The following AGBL4 variants were observed in gnomAD, a reference collection of about 807,000 sequenced individuals.
The protein encoded by AGBL4 is cytosolic carboxypeptidase 6.
AGBL4 carries 58 observed loss-of-function variants against 66.4 expected under a neutral mutation model. That is an observed-to-expected ratio of 0.87 (90% CI 0.71 to 1.09). The LOEUF is 1.09. Ranked by LOEUF, AGBL4 falls within the 50% of genes least tolerant of loss-of-function variation. The pLI, the probability that AGBL4 is intolerant of heterozygous loss-of-function variation, is 0.00. For synonymous variants in AGBL4, 234 were observed against 222.9 expected (o/e 1.05, Z -0.44); for missense variants, 579 against 631.0 (o/e 0.92, Z 0.88).
At chr1:48,949,328 G>A (rs907467972) in intron 5 of AGBL4, among the ~76,000 whole-genome samples, 9 of 152,204 alleles carry the variant, frequency 5.9e-5, no homozygotes, top group African/African-American at 1.4e-4. Context: ...TAGGTAGACC[G>A]AGATTGGTCA....
At chr1:49,642,917 A>G (rs1357635964) in intron 3 of AGBL4, among the ~76,000 whole-genome samples, 1 of 152,012 alleles carries the variant, frequency 6.6e-6, no homozygotes, top group African/African-American at 2.4e-5. Context: ...AGTGAAATTC[A>G]CCATGTGTGG....
intron 6 of AGBL4, chr1:48,761,224 T>C: frequency 8.5e-7 from 1 of 1,172,736 alleles, no homozygotes; most frequent in South Asian, 1.7e-5. Context: ...AATCATAGCC[T>C]GTGATACCAG....
intron 4 of AGBL4, among the ~76,000 whole-genome samples, chr1:49,138,227 G>C (rs1353918095): frequency 4.6e-5 from 7 of 152,074 alleles, no homozygotes; most frequent in Non-Finnish European, 1.0e-4. Context: ...AACGTCCAAA[G>C]AGAAAAATAC....
At position 48,905,013 on chromosome 1, in the gene AGBL4, T is replaced by G. The variant is rs140666760; in HGVS notation, c.595-37783A>C. ...AGGATTTTCTGTTTCAAAATTATAA[T>G]TACAATCCAATGGCTTAATTTAATT... On this transcript the variant is annotated intron_variant, in intron 5 of 13. Coordinates refer to ENST00000371839, the MANE Select transcript of AGBL4 (RefSeq NM_032785.4). Among the ~76,000 whole-genome samples the G allele has an allele frequency of 2.0e-3, 306 of 152,306 alleles. 1 individual carries two copies. The highest frequency in any genetic ancestry group is 7.0e-3 in the African/African-American group (290 of 41,554).
At chr1:49,123,144 C>A (rs558766472) in intron 4 of AGBL4, among the ~76,000 whole-genome samples, 1 of 152,150 alleles carries the variant, frequency 6.6e-6, no homozygotes, top group Non-Finnish European at 1.5e-5. Flanking sequence ...TGAGCCACTG[C>A]GCCCAGCCCT....
chr1:49,372,609 TTCTTTC>T (rs1174692516), intron 3 of AGBL4, among the ~76,000 whole-genome samples: 3 of 7,652 alleles, frequency 3.9e-4, no homozygotes, highest in Non-Finnish European at 8.3e-4. Flanking sequence ...CTTTTTCTTT[TTCTTTC>T]TTTCTTTCTT....
At chr1:49,739,809 A>G (rs781475438) in intron 2 of AGBL4, among the ~76,000 whole-genome samples, 26 of 152,244 alleles carry the variant, frequency 1.7e-4, no homozygotes, top group Non-Finnish European at 3.1e-4. Flanking sequence ...ACTAAGCTTC[A>G]TAAGTGAAGT....
chr1:49,657,635 G>T (rs1360396246), intron 3 of AGBL4, among the ~76,000 whole-genome samples: 1 of 152,128 alleles, frequency 6.6e-6, no homozygotes, highest in Admixed American at 6.5e-5. Context: ...AACCAAAACA[G>T]CATGGTACTG....
At chr1:49,532,087 T>G (rs2148814851) in intron 3 of AGBL4, among the ~76,000 whole-genome samples, 1 of 152,266 alleles carries the variant, frequency 6.6e-6, no homozygotes, top group Admixed American at 6.5e-5. Flanking sequence ...TCCCATCAGT[T>G]TGATTTCACA....
intron 3 of AGBL4, among the ~76,000 whole-genome samples, chr1:49,665,620 C>T (rs150727444): frequency 9.2e-4 from 140 of 152,100 alleles, no homozygotes; most frequent in African/African-American, 3.2e-3. Context: ...TAAAAAGAGA[C>T]CAAGAAAATC....
intron 3 of AGBL4, among the ~76,000 whole-genome samples, chr1:49,309,413 AATTAAAT>A (rs1644906124): frequency 6.6e-6 from 1 of 152,082 alleles, no homozygotes; most frequent in Admixed American, 6.6e-5. Context: ...CTAGAATCTG[AATTAAAT>A]AAGTGCCATA....
At chr1:48,528,347 T>C (rs1236866281), downstream of AGBL4, among the ~76,000 whole-genome samples, 1 of 152,026 alleles carries the variant, frequency 6.6e-6, no homozygotes, top group Non-Finnish European at 1.5e-5. Flanking sequence ...AAAGAGAATA[T>C]TAACCAAGGC....
intron 6 of AGBL4, among the ~76,000 whole-genome samples, chr1:48,795,052 C>A (rs1645637477): frequency 6.6e-6 from 1 of 152,194 alleles, no homozygotes; most frequent in African/African-American, 2.4e-5. Flanking sequence ...TAGTCATCAA[C>A]TCCCATGGAT....
At chr1:49,485,854 A>T (rs949911113) in intron 3 of AGBL4, among the ~76,000 whole-genome samples, 5 of 151,894 alleles carry the variant, frequency 3.3e-5, no homozygotes, top group African/African-American at 1.2e-4. Flanking sequence ...GGATGTAGAG[A>T]GCCTTAATGG....
chr1:48,920,661 G>T (rs186235177), intron 5 of AGBL4, among the ~76,000 whole-genome samples: 9 of 152,138 alleles, frequency 5.9e-5, no homozygotes, highest in Admixed American at 5.9e-4. Context: ...GCTTAAGGTC[G>T]CTAAGGTCAC....
At chr1:48,889,968 C>G (rs11578524) in intron 5 of AGBL4, among the ~76,000 whole-genome samples, 18,853 of 149,168 alleles carry the variant, frequency 0.13, 1,285 homozygotes, top group East Asian at 0.3. Flanking sequence ...GATCCTAACA[C>G]TCAAGATCAC....
At chr1:48,528,185 C>G (rs1008211679), downstream of AGBL4, among the ~76,000 whole-genome samples, 1 of 152,244 alleles carries the variant, frequency 6.6e-6, no homozygotes, top group African/African-American at 2.4e-5. Flanking sequence ...TCAGGTCTAT[C>G]TGACTCAGAG....
intron 4 of AGBL4, among the ~76,000 whole-genome samples, chr1:49,151,659 G>GA (rs1236397669): frequency 6.6e-6 from 1 of 151,422 alleles, no homozygotes; most frequent in South Asian, 2.1e-4. Context: ...ATATTCTGGC[G>GA]AAAAAAGACA....
At chr1:49,423,809 C>CAAA (rs5774048) in intron 3 of AGBL4, among the ~76,000 whole-genome samples, 1 of 84,326 alleles carries the variant, frequency 1.2e-5, no homozygotes. Flanking sequence ...AAGACTCGGC[C>CAAA]AAAAAAAAAA....
Sources: allele counts gnomAD v4.1 joint callset (sites outside exome capture counted in the v4.1 genomes callset), GRCh38; gene constraint gnomAD v4.1.1; transcripts MANE v1.5; gene names NCBI Gene and HGNC (gene_info 2026-07-23, HGNC 2026-07-21).